UNC13B: variants seen among roughly 807,000 people sequenced by gnomAD.
The protein encoded by UNC13B is unc-13 homolog B.
Under a neutral mutation model 211.0 loss-of-function variants are expected in UNC13B, and 144 were observed. The ratio of observed to expected loss-of-function variants is 0.68; its 90% CI spans 0.60 to 0.78. The LOEUF is 0.78. Ranked by LOEUF, UNC13B falls within the 30% of genes least tolerant of loss-of-function variation. UNC13B has a pLI of 0.00. For synonymous variants in UNC13B, 709 were observed against 725.8 expected (o/e 0.98, Z 0.37); for missense variants, 1,777 against 2,002.0 (o/e 0.89, Z 2.14).
intron 6 of UNC13B, among the ~76,000 whole-genome samples, chr9:35,254,934 A>T (rs1268902063): frequency 8.1e-5 from 10 of 123,296 alleles, no homozygotes; most frequent in Non-Finnish European, 1.3e-4. Flanking sequence ...ATAATATAAT[A>T]TATATTAATA....
At chr9:35,346,422 T>C (rs2132038809) in intron 11 of UNC13B, among the ~76,000 whole-genome samples, 1 of 152,318 alleles carries the variant, frequency 6.6e-6, no homozygotes, top group African/African-American at 2.4e-5. Flanking sequence ...GAGAGAAGGA[T>C]AAAAGAATCA....
chr9:35,287,889 C>T (rs1828885342), intron 7 of UNC13B, among the ~76,000 whole-genome samples: 2 of 151,886 alleles, frequency 1.3e-5, no homozygotes, highest in South Asian at 4.2e-4. Flanking sequence ...CCATAGATAT[C>T]TCAGAGTCAA....
In UNC13B at chr9:35,304,369, G is replaced by T. The variant is rs1829827093; in HGVS notation, c.4965G>T (p.Lys1655Asn). 1 of 398,566 alleles carries T rather than the reference G, an allele frequency of 2.5e-6. No individual in the cohort carries two copies. The highest frequency in any genetic ancestry group is 4.4e-6 in the Non-Finnish European group (1 of 225,882). 24.7% of individuals were successfully genotyped at this position (398,566 alleles called of 1,614,324 possible). A position where few individuals can be genotyped will look rare whatever the true frequency, so the allele number is the denominator to read the frequency against. The change falls in exon 9 of 40, where the codon AAG becomes AAT. Residue 1655 changes from lysine (K) to asparagine (N), a missense_variant. Transcript: ENST00000635942. ...ATTTTTCAGGCTATAATCGTCAAAA[G>T]TTTAAAGGAGACTTTAGATCTTTCA... ...PLDFSGYNRQ[K>N]FKGDFRSFKE...
At position 35,399,231 on chromosome 9, in the gene UNC13B, G is replaced by A. The variant is rs1468270529; in HGVS notation, c.12145G>A (p.Val4049Met). ...KRVLKELWRVVMNTMERMIVL... is the reference protein window; with the variant it reads ...KRVLKELWRVMMNTMERMIVL... ...TGTACTGAAGGAGCTCTGGCGCGTG[G>A]TGATGAACACAATGGAGAGGATGAT... is the stretch of plus-strand genomic sequence containing the variant. The change falls in exon 34 of 40, where the codon GTG (valine) becomes ATG (methionine). Residue 4049 changes from valine (V) to methionine (M), a missense_variant. Coordinates refer to ENST00000635942, the MANE Select transcript of UNC13B (RefSeq NM_001371189.2). 4 of 1,614,130 alleles carry A rather than the reference G, an allele frequency of 2.5e-6. No homozygotes were observed. The highest frequency in any genetic ancestry group is 1.6e-4 in the Middle Eastern group (1 of 6,062).
At chr9:35,227,956 T>C in intron 1 of UNC13B, 59 bp from the exon 2 acceptor site, 1 of 1,494,432 alleles carries the variant, frequency 6.7e-7, no homozygotes, top group Non-Finnish European at 9.3e-7. Flanking sequence ...TAATAAATGT[T>C]GCTTAAGTAA....
intron 1 of UNC13B, among the ~76,000 whole-genome samples, chr9:35,183,586 C>A (rs2131310446): frequency 7.0e-6 from 1 of 143,176 alleles, no homozygotes; most frequent in South Asian, 2.3e-4. Context: ...GGCAGGGCGG[C>A]TGGGCAGAGG....
At chr9:35,325,160 A>G (rs1830938370) in intron 11 of UNC13B, among the ~76,000 whole-genome samples, 1 of 152,218 alleles carries the variant, frequency 6.6e-6, no homozygotes, top group Non-Finnish European at 1.5e-5. Context: ...TCTTATGCAC[A>G]TAAAAAGTAC....
At chr9:35,375,020 T>G in intron 13 of UNC13B, 107 bp from the exon 14 acceptor site, 2 of 1,080,680 alleles carry the variant, frequency 1.9e-6, no homozygotes, top group East Asian at 2.4e-5. Context: ...AAATAGAAAG[T>G]ACTGTAGTAA....
chr9:35,187,325 T>C (rs1466138393), intron 1 of UNC13B, among the ~76,000 whole-genome samples: 1 of 152,212 alleles, frequency 6.6e-6, no homozygotes, highest in African/African-American at 2.4e-5. Context: ...AACTAGCATA[T>C]TGATCCAGCT....
intron 11 of UNC13B, among the ~76,000 whole-genome samples, chr9:35,357,694 C>G (rs1460413087): frequency 6.6e-6 from 1 of 151,398 alleles, no homozygotes; most frequent in African/African-American, 2.4e-5. Flanking sequence ...TTGAGACCAG[C>G]CTGGCCAACA....
At chr9:35,264,143 G>C (rs1192539590) in intron 7 of UNC13B, among the ~76,000 whole-genome samples, 1 of 152,078 alleles carries the variant, frequency 6.6e-6, no homozygotes, top group Non-Finnish European at 1.5e-5. Flanking sequence ...TTCCATGAAG[G>C]GGTTATTGTT....
In UNC13B at chr9:35,308,328, C is replaced by T. The variant is rs748911162; in HGVS notation, c.8924C>T (p.Ala2975Val). 5.0e-6 allele frequency: 2 copies of T among 398,946 alleles called. No homozygotes were observed. The highest frequency in any genetic ancestry group is 2.1e-5 in the African/African-American group (1 of 48,618). The allele number at this position is 398,946 out of a possible 1,614,324, so 24.7% of individuals were successfully genotyped here. Residue 2975 changes from alanine (A) to valine (V), a missense_variant, in exon 9 of 40, where the codon GCA becomes GTA. Ala to Val is a moderately conservative substitution (Grantham distance 64). Coordinates refer to ENST00000635942, the MANE Select transcript of UNC13B (RefSeq NM_001371189.2). ...FHQLEKQEEE[A>V]VPASTDSDLN... ...CAGCTAGAAAAACAAGAAGAGGAGG[C>T]AGTACCTGCCAGTACTGACTCTGAT...
At chr9:35,280,701 G>A (rs1287873588) in intron 7 of UNC13B, among the ~76,000 whole-genome samples, 3 of 152,110 alleles carry the variant, frequency 2.0e-5, no homozygotes, top group Non-Finnish European at 4.4e-5. Context: ...TTACAATATG[G>A]TTTGGCTGAT....
At chr9:35,176,025 CAAAAAAAA>C (rs10608620) in intron 1 of UNC13B, among the ~76,000 whole-genome samples, 1 of 96,194 alleles carries the variant, frequency 1.0e-5, no homozygotes. Flanking sequence ...GACTCTGTCT[CAAAAAAAA>C]AAAAAAAAAA....
At chr9:35,180,326 A>G (rs927482703) in intron 1 of UNC13B, among the ~76,000 whole-genome samples, 4 of 152,074 alleles carry the variant, frequency 2.6e-5, no homozygotes, top group Admixed American at 2.0e-4. Context: ...TTAAGTTGTG[A>G]TAAGTCGCTA....
chr9:35,351,680 C>G, intron 11 of UNC13B: 1 of 1,232,286 alleles, frequency 8.1e-7, no homozygotes, highest in Non-Finnish European at 1.0e-6. Context: ...GGACAACTCC[C>G]TGCCCCCTTG....
chr9:35,342,459 G>A (rs1832061892), intron 11 of UNC13B: 1 of 701,504 alleles, frequency 1.4e-6, no homozygotes, highest in Non-Finnish European at 1.8e-6. Flanking sequence ...GAGTCAACTT[G>A]CTGGTGAGGG....
At chr9:35,214,589 CAGAG>C (rs1824155965) in intron 1 of UNC13B, among the ~76,000 whole-genome samples, 1 of 151,940 alleles carries the variant, frequency 6.6e-6, no homozygotes, top group Non-Finnish European at 1.5e-5. Flanking sequence ...CATTATGTAA[CAGAG>C]GGAGAAAGAG....
intron 25 of UNC13B, 47 bp from the exon 26 acceptor site, chr9:35,390,582 A>G (rs1229586393): frequency 6.3e-7 from 1 of 1,596,536 alleles, no homozygotes; most frequent in Non-Finnish European, 8.6e-7. Context: ...AATCAAATCA[A>G]ATGGCTCTTG....
Sources: gnomAD v4.1 joint callset for allele counts (sites outside exome capture counted in the v4.1 genomes callset) on GRCh38, gnomAD v4.1.1 for gene constraint, MANE v1.5 for transcripts, NCBI Gene and HGNC (gene_info 2026-07-23, HGNC 2026-07-21) for gene names.